The following BST2 variants were observed in gnomAD, a reference collection of about 807,000 sequenced individuals.
The protein encoded by BST2 is bone marrow stromal antigen 2.
A neutral mutation model predicts 18.6 loss-of-function variants in BST2; 10 were observed. The observed-to-expected ratio is 0.54, with a 90% confidence interval of 0.33 to 0.91. The LOEUF (loss-of-function observed/expected upper bound fraction) is 0.91. BST2 is among the 40% of genes least tolerant of loss of function. The pLI is 0.02. For synonymous variants in BST2, 75 were observed against 96.8 expected (o/e 0.77, Z 1.32); for missense variants, 183 against 228.4 (o/e 0.80, Z 1.28).
intron 3 of BST2, 135 bp from the exon 4 acceptor site, chr19:17,403,959 C>T: frequency 1.5e-6 from 2 of 1,364,740 alleles, no homozygotes; most frequent in Non-Finnish European, 2.0e-6. Flanking sequence ...CAGCGGCCAC[C>T]CATGGCTCTG....
At chr19:17,403,933 C>G in intron 3 of BST2, 109 bp from the exon 4 acceptor site, 1 of 1,458,780 alleles carries the variant, frequency 6.9e-7, no homozygotes, top group South Asian at 1.3e-5. Flanking sequence ...ATCCAAGTCA[C>G]CGGGGAGGGA....
intron 4 of BST2, 75 bp from the exon 5 acceptor site, chr19:17,403,401 G>GGCCCCCC: frequency 1.0e-6 from 1 of 959,838 alleles, no homozygotes; most frequent in South Asian, 4.4e-5. Context: ...CCGGCCCCAA[G>GGCCCCCC]CCCCGCCCCC....
At chr19:17,403,564 C>T (rs2074708295) in intron 4 of BST2, 116 bp downstream of exon 4, 3 of 1,399,468 alleles carry the variant, frequency 2.1e-6, no homozygotes, top group African/African-American at 1.5e-5. Flanking sequence ...GGCCCCTCAC[C>T]TCTGCGCCCA....
In BST2 at chr19:17,405,530, C is replaced by T. The variant is rs768059489; in HGVS notation, c.46G>A (p.Gly16Arg). Reference sequence around the variant, plus strand: ...AGCAGAAGCTTACAGCGCTTATCCCCGTCTTCCATGGGCACTCTGCAATAG... The same window carrying T: ...AGCAGAAGCTTACAGCGCTTATCCCTGTCTTCCATGGGCACTCTGCAATAG... The part of the protein sequence containing the change: ...YDYCRVPMED[G>R]DKRCKLLLGI... The change falls in exon 1 of 5, where the codon GGG (glycine) becomes AGG (arginine). Residue 16 changes from glycine to arginine, a missense_variant. Transcript: ENST00000252593. 1.3e-5 allele frequency: 21 copies of T among 1,614,078 alleles called. No homozygotes were observed. Among genetic ancestry groups the T allele is most frequent in the African/African-American group, 4.0e-5 (3 of 74,952 alleles).
At chr19:17,404,582 G>A (rs1366928926) in intron 1 of BST2, 145 bp from the exon 2 acceptor site, 1 of 1,235,088 alleles carries the variant, frequency 8.1e-7, no homozygotes, top group Non-Finnish European at 1.1e-6. Context: ...CTGCACCATG[G>A]TCTCCAACCT....
chr19:17,404,049 G>A, intron 3 of BST2, 80 bp downstream of exon 3: 1 of 1,465,754 alleles, frequency 6.8e-7, no homozygotes, highest in East Asian at 2.5e-5. Context: ...GAGCAAAGGA[G>A]ATCCTGGGTC....
At chr19:17,404,224 T>G in intron 2 of BST2, 35 bp from the exon 3 acceptor site, 1 of 1,589,430 alleles carries the variant, frequency 6.3e-7, no homozygotes, top group Non-Finnish European at 8.6e-7. Context: ...AGGGGGCGGG[T>G]CAGCATGTGG....
chr19:17,403,787 T>A lies in BST2; in HGVS notation c.451A>T (p.Lys151Ter). Residue 151 changes from lysine (K) to a stop codon, truncating the protein, a stop_gained, in exon 4 of 5, where the codon AAG (lysine) becomes TAG (stop). Coordinates refer to ENST00000252593, the MANE Select transcript of BST2 (RefSeq NM_004335.4). LOFTEE classifies it high-confidence loss of function. ...NQVLSVRIAD[K>*]KYYPSSQDSS... is the part of the protein sequence containing the mutation. ...TCCTGGGAGCTGGGGTAGTACTTCT[T>A]GTCCGCGATTCTCACGCTTAAGACC... 6.2e-7 allele frequency: 1 copy of A among 1,613,818 alleles called. No homozygotes were observed. The highest frequency in any genetic ancestry group is 8.5e-7 in the Non-Finnish European group (1 of 1,179,898).
chr19:17,405,295 G>A lies in BST2; in HGVS notation c.281C>T (p.Thr94Ile). 1.2e-6 allele frequency: 2 copies of A among 1,610,168 alleles called. No homozygotes were observed. Among genetic ancestry groups the A allele is most frequent in the Non-Finnish European group, 1.7e-6 (2 of 1,178,054 alleles). The change falls in exon 1 of 5, where the codon ACT becomes ATT. Residue 94 changes from threonine to isoleucine, a missense_variant. Thr to Ile is a moderately conservative substitution (Grantham distance 89, BLOSUM62 -1). Coordinates refer to ENST00000252593, the MANE Select transcript of BST2 (RefSeq NM_004335.4). ...CAAAGGAGTTGAGGAGCTTACCACA[G>A]TGTGGTTGCAGGTGGCGGCCTGGGC... Reference protein sequence around the residue: ...VEAQAATCNHTVMALMASLDA... With the variant: ...VEAQAATCNHIVMALMASLDA...
At chr19:17,404,807 A>G (rs1226924258) in intron 1 of BST2, among the ~76,000 whole-genome samples, 1 of 152,182 alleles carries the variant, frequency 6.6e-6, no homozygotes, top group Non-Finnish European at 1.5e-5. Flanking sequence ...CCCAAGTGAC[A>G]TGCCCAGCGA....
intron 1 of BST2, 94 bp downstream of exon 1, chr19:17,405,197 C>T: frequency 1.4e-6 from 2 of 1,438,770 alleles, no homozygotes; most frequent in South Asian, 1.4e-5. Flanking sequence ...CCTGCATCTC[C>T]CTGGAGACCC....
At position 17,404,408 on chromosome 19, in the gene BST2, C is replaced by T. The variant is rs750385738; in HGVS notation, c.315G>A (p.Glu105=). ...CCACTTTCTTTTGTCCTTGGGCCTT[C>T]TCTGCATCCAGGGAAGCCATTAGGG... ...VMALMASLDA[E]KAQGQKKVEE... Residue 105 remains glutamate (E), a synonymous_variant, in exon 2 of 5, where the codon GAG becomes GAA. Coordinates refer to ENST00000252593, the MANE Select transcript of BST2 (RefSeq NM_004335.4). The T allele has an allele frequency of 9.9e-6, 16 of 1,613,762 alleles. No homozygotes were observed. The highest frequency in any genetic ancestry group is 1.4e-5 in the Non-Finnish European group (16 of 1,179,976).
Position 17,403,689 on chromosome 19 carries a change from G to A in BST2, c.*6C>T, listed in dbSNP as rs2074709049. 1 of 1,611,320 alleles carries A rather than the reference G, an allele frequency of 6.2e-7. No homozygotes were observed. The highest frequency in any genetic ancestry group is 1.1e-5 in the South Asian group (1 of 90,914). On this transcript the variant is annotated 3_prime_UTR_variant, in exon 4 of 5. Coordinates refer to ENST00000252593, the MANE Select transcript of BST2 (RefSeq NM_004335.4). ...CCCCCTCCTCACTGACCAGCTTCCT[G>A]GGATCTCACTGCAGCAGAGCGCTGA...
At chr19:17,404,574 G>A (rs2074715239) in intron 1 of BST2, 137 bp from the exon 2 acceptor site, 2 of 1,314,300 alleles carry the variant, frequency 1.5e-6, no homozygotes, top group Non-Finnish European at 2.1e-6. Context: ...AACCCTCTCT[G>A]CACCATGGTC....
chr19:17,403,654 C>T, intron 4 of BST2, 26 bp downstream of exon 4: 1 of 1,602,260 alleles, frequency 6.2e-7, no homozygotes, highest in South Asian at 1.1e-5. Flanking sequence ...TCTTCTCCCT[C>T]CCGGGGCCGC....
intron 1 of BST2, among the ~76,000 whole-genome samples, chr19:17,404,879 G>GA (rs2074716890): frequency 6.6e-6 from 1 of 152,174 alleles, no homozygotes; most frequent in South Asian, 2.1e-4. Flanking sequence ...GGGATGAAGT[G>GA]AAAATTTCAA....
chr19:17,403,717 C>G lies in BST2; in HGVS notation c.521G>C (p.Gly174Ala), dbSNP rs1449811794. ...AAPQLLIVLL[G>A]LSALLQ ...ATCTCACTGCAGCAGAGCGCTGAGG[C>G]CCAGCAGCACAATCAGCAGCTGGGG... Residue 174 changes from glycine (G) to alanine (A), a missense_variant, in exon 4 of 5, where the codon GGC (glycine) becomes GCC (alanine). Transcript: ENST00000252593. 2 of 1,613,478 alleles carry G rather than the reference C, an allele frequency of 1.2e-6. No individual in the cohort carries two copies. The highest frequency in any genetic ancestry group is 1.3e-5 in the African/African-American group (1 of 74,852).
In BST2 at chr19:17,403,696, C is replaced by T. The variant is rs1377495543; in HGVS notation, c.542G>A (p.Ter181=). 1 of 1,612,630 alleles carries T rather than the reference C, an allele frequency of 6.2e-7. No individual in the cohort carries two copies. The highest frequency in any genetic ancestry group is 1.7e-4 in the Middle Eastern group (1 of 6,022). ...CTCACTGACCAGCTTCCTGGGATCT[C>T]ACTGCAGCAGAGCGCTGAGGCCCAG... is the stretch of plus-strand genomic sequence containing the variant. ...VLLGLSALLQ[*] The change falls in exon 4 of 5, where the codon TGA becomes TAA. Residue 181 remains the stop codon, a stop_retained_variant. Coordinates refer to ENST00000252593, the MANE Select transcript of BST2 (RefSeq NM_004335.4).
intron 4 of BST2, 37 bp from the exon 5 acceptor site, chr19:17,403,363 G>T: frequency 8.6e-7 from 1 of 1,166,972 alleles, no homozygotes; most frequent in Non-Finnish European, 1.1e-6. Context: ...GCAGACTGGA[G>T]GCAGCAGACA....
Sources: allele counts gnomAD v4.1 joint callset (sites outside exome capture counted in the v4.1 genomes callset), GRCh38; gene constraint gnomAD v4.1.1; transcripts MANE v1.5; gene names NCBI Gene and HGNC (gene_info 2026-07-23, HGNC 2026-07-21).